Variants in CADPS observed in about 807,000 individuals in gnomAD.
CADPS encodes the protein calcium-dependent secretion activator 1.
Under a neutral mutation model 167.3 loss-of-function variants are expected in CADPS, and 57 were observed. The ratio of observed to expected loss-of-function variants is 0.34; its 90% confidence interval spans 0.28 to 0.42. The LOEUF is 0.42. CADPS is among the 20% of genes least tolerant of loss of function. The probability of loss-of-function intolerance (pLI) is 1.00; values close to 1 mark genes in which losing one functional copy is unlikely to be tolerated. For missense variants in CADPS, 1,414 were observed against 1,738.1 expected (o/e 0.81, Z 3.32); for synonymous variants, 676 against 635.3 (o/e 1.06, Z -0.96).
At chr3:62,550,703 GC>G (rs1039785637) in intron 10 of CADPS, 2 of 425,844 alleles carry the variant, frequency 4.7e-6, no homozygotes, top group African/African-American at 4.1e-5. Context: ...CTCCTTTTCT[GC>G]CTTACAACCC....
intron 3 of CADPS, among the ~76,000 whole-genome samples, chr3:62,674,570 T>TA (rs1348206366): frequency 6.6e-6 from 1 of 152,192 alleles, no homozygotes; most frequent in Non-Finnish European, 1.5e-5. Flanking sequence ...TAGTTTTTTT[T>TA]ATTAGTTCTT....
At chr3:62,492,572 T>A in intron 19 of CADPS, 126 bp from the exon 20 acceptor site, 2 of 941,354 alleles carry the variant, frequency 2.1e-6, no homozygotes, top group Non-Finnish European at 3.3e-6. Flanking sequence ...GGTAATTTTA[T>A]TGTAAAGAGA....
chr3:62,614,032 T>C (rs1022984181), intron 6 of CADPS, among the ~76,000 whole-genome samples: 1 of 152,176 alleles, frequency 6.6e-6, no homozygotes, highest in African/African-American at 2.4e-5. Context: ...GGGGAGGGCC[T>C]GGGAAAATCT....
intron 18 of CADPS, among the ~76,000 whole-genome samples, chr3:62,497,171 C>T (rs1222808021): frequency 6.6e-6 from 1 of 152,174 alleles, no homozygotes; most frequent in African/African-American, 2.4e-5. Context: ...CATATAAGCC[C>T]TCCTTTGGTG....
intron 11 of CADPS, among the ~76,000 whole-genome samples, chr3:62,540,289 T>G (rs969891506): frequency 1.3e-5 from 2 of 152,118 alleles, no homozygotes; most frequent in African/African-American, 2.4e-5. Context: ...TTCTGTGTTT[T>G]CATTGGGTTA....
intron 26 of CADPS, among the ~76,000 whole-genome samples, chr3:62,449,308 C>T (rs2057702812): frequency 6.6e-6 from 1 of 152,160 alleles, no homozygotes; most frequent in Non-Finnish European, 1.5e-5. Context: ...TCTTTACCTA[C>T]ATGAGAGTTT....
intron 9 of CADPS, 50 bp downstream of exon 9, chr3:62,570,822 C>G: frequency 8.2e-7 from 1 of 1,218,592 alleles, no homozygotes. Context: ...TTCATTCATT[C>G]TAGCAAATCT....
At chr3:62,627,869 T>C (rs906805169) in intron 6 of CADPS, among the ~76,000 whole-genome samples, 10 of 152,208 alleles carry the variant, frequency 6.6e-5, no homozygotes, top group Non-Finnish European at 1.3e-4. Flanking sequence ...AAAGCCATTA[T>C]ATTTGAGGTC....
intron 3 of CADPS, among the ~76,000 whole-genome samples, chr3:62,677,221 C>A (rs2076466530): frequency 6.6e-6 from 1 of 151,762 alleles, no homozygotes; most frequent in Non-Finnish European, 1.5e-5. Context: ...ATTTATAAGA[C>A]AAAAGGGTCA....
At chr3:62,435,767 C>T (rs181399469) in intron 28 of CADPS, among the ~76,000 whole-genome samples, 9 of 152,004 alleles carry the variant, frequency 5.9e-5, no homozygotes, top group African/African-American at 1.9e-4. Flanking sequence ...ACTAAGACTC[C>T]GTTGGGAAAA....
chr3:62,741,971 TACA>T (rs1485597644), intron 3 of CADPS, among the ~76,000 whole-genome samples: 6 of 152,006 alleles, frequency 3.9e-5, no homozygotes, highest in East Asian at 1.9e-4. Flanking sequence ...TAGCATTTCT[TACA>T]ACAACAACAG....
At chr3:62,718,694 T>A (rs1273027031) in intron 3 of CADPS, among the ~76,000 whole-genome samples, 1 of 152,224 alleles carries the variant, frequency 6.6e-6, no homozygotes, top group Non-Finnish European at 1.5e-5. Context: ...TGACACATTC[T>A]AATCCTACAT....
intron 1 of CADPS, among the ~76,000 whole-genome samples, chr3:62,871,242 C>T (rs943729781): frequency 1.3e-5 from 2 of 151,966 alleles, no homozygotes; most frequent in Admixed American, 6.6e-5. Flanking sequence ...AGTGTTCTTC[C>T]GAGCTAAAAT....
At chr3:62,866,699 GA>G (rs2081763099) in intron 1 of CADPS, among the ~76,000 whole-genome samples, 1 of 152,222 alleles carries the variant, frequency 6.6e-6, no homozygotes, top group Admixed American at 6.5e-5. Context: ...ATTGTAGTCT[GA>G]AATACTGTGG....
chr3:62,852,397 G>T (rs533686815), intron 1 of CADPS, among the ~76,000 whole-genome samples: 4 of 152,208 alleles, frequency 2.6e-5, no homozygotes, highest in African/African-American at 9.6e-5. Flanking sequence ...GACCGGAGCT[G>T]TTCCTATTCG....
intron 1 of CADPS, among the ~76,000 whole-genome samples, chr3:62,857,984 A>G (rs1209400854): frequency 1.6e-4 from 24 of 152,184 alleles, no homozygotes; most frequent in Admixed American, 1.6e-3. Flanking sequence ...CTTCCTACAA[A>G]TATGATTTCC....
chr3:62,810,795 C>T (rs2094357163), intron 1 of CADPS, among the ~76,000 whole-genome samples: 2 of 152,224 alleles, frequency 1.3e-5, no homozygotes, highest in Non-Finnish European at 2.9e-5. Flanking sequence ...CACTCCCGGT[C>T]CACAAGTAGA....
At chr3:62,853,137 A>G (rs1029676961) in intron 1 of CADPS, among the ~76,000 whole-genome samples, 1 of 152,216 alleles carries the variant, frequency 6.6e-6, no homozygotes, top group African/African-American at 2.4e-5. Context: ...ACAGTAGGAC[A>G]AACAGGAAAT....
intron 6 of CADPS, among the ~76,000 whole-genome samples, chr3:62,614,716 A>G (rs2062000077): frequency 6.6e-6 from 1 of 152,204 alleles, no homozygotes. Flanking sequence ...ATAATGATGT[A>G]ATTATTATGT....
Sources: gnomAD v4.1 joint callset for allele counts (sites outside exome capture counted in the v4.1 genomes callset) on GRCh38, gnomAD v4.1.1 for gene constraint, MANE v1.5 for transcripts, NCBI Gene and HGNC (gene_info 2026-07-23, HGNC 2026-07-21) for gene names.